The following LGR5 variants were observed in gnomAD, a reference collection of about 807,000 sequenced individuals.
LGR5 encodes the protein leucine-rich repeat-containing G protein-coupled receptor 5.
A neutral mutation model predicts 76.7 loss-of-function variants in LGR5; 54 were observed. The observed-to-expected ratio is 0.70, with a 90% CI of 0.57 to 0.88. The LOEUF (loss-of-function observed/expected upper bound fraction) is 0.88, where lower values mean the gene tolerates loss of function less well. Among genes scored for constraint, LGR5 ranks in the 40% least tolerant of loss-of-function variants. The probability of loss-of-function intolerance (pLI) is 0.00; values close to 1 mark genes in which losing one functional copy is unlikely to be tolerated. For missense variants in LGR5, 1,078 were observed against 1,073.3 expected (o/e 1.00, Z -0.06); for synonymous variants, 406 against 421.9 (o/e 0.96, Z 0.46).
intron 1 of LGR5, among the ~76,000 whole-genome samples, chr12:71,491,558 G>A (rs951602063): frequency 1.3e-5 from 2 of 151,780 alleles, no homozygotes; most frequent in Non-Finnish European, 2.9e-5. Context: ...GTTTTATCTG[G>A]TAGAAGAACA....
chr12:71,503,284 A>G (rs1028255235), intron 1 of LGR5, among the ~76,000 whole-genome samples: 6 of 152,180 alleles, frequency 3.9e-5, no homozygotes, highest in African/African-American at 1.4e-4. Context: ...AAAAATCCAG[A>G]TTTTTGGAAT....
chr12:71,469,173 G>A (rs1163441150), intron 1 of LGR5, among the ~76,000 whole-genome samples: 2 of 152,110 alleles, frequency 1.3e-5, no homozygotes, highest in African/African-American at 4.8e-5. Context: ...TTTTGGCCAG[G>A]TGAATTTATT....
intron 1 of LGR5, among the ~76,000 whole-genome samples, chr12:71,486,529 T>A (rs868398851): frequency 3.9e-5 from 6 of 152,218 alleles, no homozygotes; most frequent in Non-Finnish European, 8.8e-5. Context: ...GCAGTGCTTA[T>A]CTGATGTAAA....
Position 71,548,321 on chromosome 12 carries a change from G to GTGTGTGTGTGTGTGTGTA in LGR5, c.429-4748_429-4747insTGTGTGTGTGTGTATGTG, listed in dbSNP as rs147007812. On this transcript the variant is annotated intron_variant, in intron 4 of 17. Coordinates refer to ENST00000266674, the MANE Select transcript of LGR5 (RefSeq NM_003667.4). ...TTGCACTGTGTGTGTGTGTGTGTGT[G>GTGTGTGTGTGTGTGTGTA]TGTGCGTAGATACATATACACATGC... is the stretch of plus-strand genomic sequence containing the variant. 5.6e-3 allele frequency among the ~76,000 whole-genome samples: 851 copies of GTGTGTGTGTGTGTGTGTA among 151,252 alleles called. 6 individuals are homozygous for GTGTGTGTGTGTGTGTGTA. Among genetic ancestry groups the GTGTGTGTGTGTGTGTGTA allele is most frequent in the Middle Eastern group, 0.01 (3 of 292 alleles).
chr12:71,489,732 C>T (rs532744692), intron 1 of LGR5, among the ~76,000 whole-genome samples: 59 of 152,238 alleles, frequency 3.9e-4, no homozygotes, highest in African/African-American at 1.4e-3. Context: ...ACTCCAAAAT[C>T]ATGGACCACT....
At chr12:71,445,850 T>C (rs1002333124) in intron 1 of LGR5, among the ~76,000 whole-genome samples, 1 of 152,248 alleles carries the variant, frequency 6.6e-6, no homozygotes, top group Non-Finnish European at 1.5e-5. Flanking sequence ...TATATCCTCA[T>C]GTATTACTTC....
chr12:71,566,947 A>C, intron 11 of LGR5, 35 bp downstream of exon 11: 1 of 1,467,266 alleles, frequency 6.8e-7, no homozygotes, highest in South Asian at 1.1e-5. Flanking sequence ...TTGTGTAAAC[A>C]GGCAACTTCC....
chr12:71,500,104 T>G (rs1852945303), intron 1 of LGR5, among the ~76,000 whole-genome samples: 2 of 151,940 alleles, frequency 1.3e-5, no homozygotes, highest in Non-Finnish European at 1.5e-5. Flanking sequence ...TATTCTCCAC[T>G]GTGTTCCTAG....
intron 1 of LGR5, among the ~76,000 whole-genome samples, chr12:71,445,115 A>T (rs1318773624): frequency 6.6e-6 from 1 of 152,216 alleles, no homozygotes; most frequent in Non-Finnish European, 1.5e-5. Context: ...TTCAGTTATT[A>T]TGCAAATTTA....
intron 1 of LGR5, among the ~76,000 whole-genome samples, chr12:71,503,331 G>A (rs1874698389): frequency 6.6e-6 from 1 of 152,124 alleles, no homozygotes; most frequent in South Asian, 2.1e-4. Flanking sequence ...TATATTTATG[G>A]CATTGTCTAG....
At position 71,458,726 on chromosome 12, in the gene LGR5, C is replaced by A. The variant is rs1872581209; in HGVS notation, c.212+18434C>A. ...TCGTTCATTTATCCGTTTATTCACACAATTAATATTTTTATCAACTGCCCA... is the reference window on the plus strand; with the variant it reads ...TCGTTCATTTATCCGTTTATTCACAAAATTAATATTTTTATCAACTGCCCA... On this transcript the variant is annotated intron_variant, in intron 1 of 17. Coordinates refer to ENST00000266674, the MANE Select transcript of LGR5 (RefSeq NM_003667.4). Among the ~76,000 whole-genome samples the A allele has an allele frequency of 5.8e-5, 8 of 138,884 alleles. No homozygotes were observed. In the South Asian group the frequency reaches 1.7e-3, roughly 29 times the overall value. 91.1% of individuals were successfully genotyped at this position (138,884 alleles called of 152,430 possible).
At chr12:71,507,413 G>C (rs7303982) in intron 2 of LGR5, among the ~76,000 whole-genome samples, 14,192 of 152,150 alleles carry the variant, frequency 0.093, 703 homozygotes, top group Non-Finnish European at 0.11. Flanking sequence ...GTAATGATCA[G>C]TGTGTATATA....
chr12:71,559,404 C>T (rs765116401), intron 6 of LGR5, among the ~76,000 whole-genome samples, 182 bp from the exon 7 acceptor site: 43 of 152,112 alleles, frequency 2.8e-4, no homozygotes, highest in Admixed American at 1.3e-4. Context: ...ACCATTTTAA[C>T]GCAGATACTT....
chr12:71,514,537 C>A (rs1212397183), intron 2 of LGR5, among the ~76,000 whole-genome samples: 3 of 140,764 alleles, frequency 2.1e-5, no homozygotes, highest in Non-Finnish European at 4.5e-5. Context: ...CACTGCACTC[C>A]AGCCTGGGCG....
chr12:71,558,367 A>G (rs1417335942), intron 6 of LGR5, among the ~76,000 whole-genome samples: 2 of 152,116 alleles, frequency 1.3e-5, no homozygotes, highest in Admixed American at 6.5e-5. Context: ...AGAGCAAAAC[A>G]TGTCAGGGAA....
intron 3 of LGR5, among the ~76,000 whole-genome samples, chr12:71,532,796 AT>A (rs34973486): frequency 0.022 from 3,143 of 145,810 alleles, 99 homozygotes; most frequent in African/African-American, 0.069. Flanking sequence ...TCAAATGAAG[AT>A]TTTTTTTTTT....
intron 1 of LGR5, among the ~76,000 whole-genome samples, chr12:71,499,875 G>A (rs1007907806): frequency 2.6e-5 from 4 of 152,052 alleles, no homozygotes; most frequent in Non-Finnish European, 2.9e-5. Flanking sequence ...TTCTCAGGGC[G>A]ACTTTTCTGG....
intron 1 of LGR5, among the ~76,000 whole-genome samples, chr12:71,460,274 C>A (rs546273876): frequency 6.6e-6 from 1 of 152,122 alleles, no homozygotes; most frequent in South Asian, 2.1e-4. Context: ...GAGAGAAATA[C>A]AAAAAGGATC....
chr12:71,482,247 C>G (rs928740821), intron 1 of LGR5, among the ~76,000 whole-genome samples: 3 of 152,108 alleles, frequency 2.0e-5, no homozygotes, highest in African/African-American at 7.2e-5. Context: ...TATTAGTTTG[C>G]TGGGACTGCC....
Sources: gnomAD v4.1 joint callset for allele counts (sites outside exome capture counted in the v4.1 genomes callset) on GRCh38, gnomAD v4.1.1 for gene constraint, MANE v1.5 for transcripts, NCBI Gene and HGNC (gene_info 2026-07-23, HGNC 2026-07-21) for gene names.